TLL2: variants seen among roughly 807,000 people sequenced by gnomAD.
The protein encoded by TLL2 is tolloid-like protein 2.
Under a neutral mutation model 123.0 loss-of-function variants are expected in TLL2, and 106 were observed. That is an observed-to-expected ratio of 0.86 (90% CI 0.74 to 1.01). The LOEUF is 1.01. Ranked by LOEUF, TLL2 falls within the 50% of genes least tolerant of loss-of-function variation. The pLI is 0.00. For missense variants in TLL2, 1,332 were observed against 1,336.7 expected (o/e 1.00, Z 0.06); for synonymous variants, 494 against 516.8 (o/e 0.96, Z 0.60).
chr10:96,392,404 A>G (rs1334961982), intron 13 of TLL2, among the ~76,000 whole-genome samples: 12 of 152,228 alleles, frequency 7.9e-5, no homozygotes, highest in Non-Finnish European at 1.8e-4. Context: ...ATACTAAAAA[A>G]AAATCATTCT....
intron 10 of TLL2, among the ~76,000 whole-genome samples, chr10:96,404,572 G>A (rs1340263483): frequency 6.6e-6 from 1 of 152,070 alleles, no homozygotes; most frequent in Admixed American, 6.6e-5. Context: ...CATGTTTTAA[G>A]TCATTTTGGT....
intron 2 of TLL2, among the ~76,000 whole-genome samples, chr10:96,453,159 T>TA (rs957907930): frequency 5.1e-4 from 78 of 152,304 alleles, no homozygotes; most frequent in African/African-American, 1.8e-3. Flanking sequence ...CAAAATCTTT[T>TA]AAAACAGGCA....
At chr10:96,415,315 T>C (rs1336964394) in intron 7 of TLL2, among the ~76,000 whole-genome samples, 1 of 152,218 alleles carries the variant, frequency 6.6e-6, no homozygotes, top group Non-Finnish European at 1.5e-5. Context: ...TCTGTTTTTT[T>C]GTCTGTTTGC....
intron 16 of TLL2, among the ~76,000 whole-genome samples, chr10:96,380,840 G>A (rs1248932108): frequency 1.3e-5 from 2 of 151,448 alleles, no homozygotes; most frequent in Non-Finnish European, 2.9e-5. Flanking sequence ...AGCCAGGCAT[G>A]GTGGCAAGCA....
At chr10:96,464,665 T>C (rs533806409) in intron 2 of TLL2, among the ~76,000 whole-genome samples, 7 of 152,324 alleles carry the variant, frequency 4.6e-5, no homozygotes, top group African/African-American at 1.4e-4. Context: ...GTGCTTAACA[T>C]GATACTGCTT....
In TLL2 at chr10:96,373,619, C is replaced by T. The variant is rs756687892; in HGVS notation, c.2639G>A (p.Gly880Asp). 4 of 1,614,128 alleles carry T rather than the reference C, an allele frequency of 2.5e-6. No homozygotes were observed. Among genetic ancestry groups the T allele is most frequent in the African/African-American group, 1.3e-5 (1 of 74,944 alleles). Residue 880 changes from glycine to aspartate, a missense_variant, in exon 19 of 21, where the codon GGC becomes GAC. Gly to Asp is a moderately conservative substitution (Grantham distance 94). Transcript: ENST00000357947. ...FYSDASVQRK[G>D]FQAVHSTECG... is the part of the protein sequence containing the mutation. ...ACCTGTGCTGTGCACTGCCTGGAAG[C>T]CTTTCCTCTGCACTGAGGCATCCGA...
At chr10:96,406,581 G>C (rs1336008886) in intron 9 of TLL2, among the ~76,000 whole-genome samples, 1 of 152,104 alleles carries the variant, frequency 6.6e-6, no homozygotes. Flanking sequence ...CCTTAGGCTG[G>C]AAGGCTTCCT....
intron 1 of TLL2, 33 bp downstream of exon 1, chr10:96,513,477 AC>A: frequency 6.2e-7 from 1 of 1,610,414 alleles, no homozygotes; most frequent in Non-Finnish European, 8.5e-7. Context: ...TCAAAGGCAA[AC>A]TTCTGCGGGA....
At chr10:96,442,148 C>T (rs977028551) in intron 3 of TLL2, among the ~76,000 whole-genome samples, 4 of 152,134 alleles carry the variant, frequency 2.6e-5, no homozygotes, top group African/African-American at 9.7e-5. Flanking sequence ...AAAGGGTCTG[C>T]CGGAGGGGAT....
intron 2 of TLL2, among the ~76,000 whole-genome samples, chr10:96,479,619 G>T (rs1219753334): frequency 1.3e-5 from 2 of 152,204 alleles, no homozygotes; most frequent in African/African-American, 4.8e-5. Flanking sequence ...CTCCATCAAG[G>T]CACCCCTGAT....
intron 4 of TLL2, among the ~76,000 whole-genome samples, chr10:96,429,727 A>G (rs1846718548): frequency 6.6e-6 from 1 of 152,182 alleles, no homozygotes; most frequent in Admixed American, 6.5e-5. Context: ...TTCTATTTGC[A>G]TGTACATCTG....
At chr10:96,382,003 G>A (rs980136753) in intron 16 of TLL2, among the ~76,000 whole-genome samples, 3 of 152,092 alleles carry the variant, frequency 2.0e-5, no homozygotes, top group Non-Finnish European at 4.4e-5. Flanking sequence ...TGACATGCAG[G>A]ACCTGCTACA....
chr10:96,415,785 T>TCTCTC (rs1846555232), intron 7 of TLL2, among the ~76,000 whole-genome samples: 1 of 5,070 alleles, frequency 2.0e-4, no homozygotes, highest in African/African-American at 8.1e-4. Context: ...CAAGCACTGT[T>TCTCTC]TCTATTTCCC....
At chr10:96,422,395 C>T (rs1564904083) in intron 6 of TLL2, among the ~76,000 whole-genome samples, 154 bp downstream of exon 6, 1 of 152,152 alleles carries the variant, frequency 6.6e-6, no homozygotes, top group Non-Finnish European at 1.5e-5. Flanking sequence ...AGTGGTCAGA[C>T]TGGTGAGACG....
chr10:96,439,690 T>C (rs1235213590), intron 3 of TLL2, among the ~76,000 whole-genome samples: 1 of 152,158 alleles, frequency 6.6e-6, no homozygotes, highest in Non-Finnish European at 1.5e-5. Flanking sequence ...GTATAACGGG[T>C]TCCTACTCAT....
At chr10:96,441,637 C>G (rs781351081) in intron 3 of TLL2, among the ~76,000 whole-genome samples, 5 of 152,204 alleles carry the variant, frequency 3.3e-5, no homozygotes, top group Non-Finnish European at 5.9e-5. Context: ...ACCTACATGG[C>G]TTTGGACAAA....
chr10:96,484,493 T>C (rs1436740123), intron 1 of TLL2, among the ~76,000 whole-genome samples: 1 of 151,982 alleles, frequency 6.6e-6, no homozygotes, highest in Non-Finnish European at 1.5e-5. Context: ...CACATATTAC[T>C]CAACCTCACT....
At chr10:96,432,728 G>A in intron 4 of TLL2, 79 bp downstream of exon 4, 1 of 1,545,146 alleles carries the variant, frequency 6.5e-7, no homozygotes. Context: ...TCCCACCCGG[G>A]TCCTTCCTAG....
Position 96,513,617 on chromosome 10 carries a change from GGCGCC to G in TLL2, c.64_68del (p.Gly22ArgfsTer46). The G allele has an allele frequency of 5.0e-6, 8 of 1,601,042 alleles. No individual in the cohort carries two copies. Among genetic ancestry groups the G allele is most frequent in the Non-Finnish European group, 6.8e-6 (8 of 1,177,990 alleles). On this transcript the variant is annotated frameshift_variant, in exon 1 of 21. Coordinates refer to ENST00000357947, the MANE Select transcript of TLL2 (RefSeq NM_012465.4). LOFTEE classifies it high-confidence loss of function. Reference sequence around the variant, plus strand: ...CGTCCGGGCGCTCCCCGAGTCCCCCGGCGCCGCGAGGCAGCGGCAGCAGCAGCAGC... The same window carrying G: ...CGTCCGGGCGCTCCCCGAGTCCCCCGGCGAGGCAGCGGCAGCAGCAGCAGC...
Sources: allele counts gnomAD v4.1 joint callset (sites outside exome capture counted in the v4.1 genomes callset), GRCh38; gene constraint gnomAD v4.1.1; transcripts MANE v1.5; gene names NCBI Gene and HGNC (gene_info 2026-07-23, HGNC 2026-07-21).